ACACB: variants seen among roughly 807,000 people sequenced by gnomAD.
ACACB encodes acetyl-CoA carboxylase 2.
A neutral mutation model predicts 278.8 loss-of-function variants in ACACB; 209 were observed. The ratio of observed to expected loss-of-function variants is 0.75; its 90% CI spans 0.67 to 0.84. ACACB has a LOEUF of 0.84. ACACB is among the 40% of genes least tolerant of loss of function. The pLI is 0.00. For missense variants in ACACB, 2,850 were observed against 3,269.0 expected (o/e 0.87, Z 3.13); for synonymous variants, 1,174 against 1,285.6 (o/e 0.91, Z 1.86).
chr12:109,160,491 G>A (rs188003209), intron 2 of ACACB, among the ~76,000 whole-genome samples: 47 of 152,326 alleles, frequency 3.1e-4, no homozygotes, highest in African/African-American at 1.1e-3. Context: ...GCCTGGTCTT[G>A]TGCTCCGGCA....
intron 16 of ACACB, among the ~76,000 whole-genome samples, chr12:109,194,937 CG>C (rs2045061820): frequency 6.6e-6 from 1 of 152,122 alleles, no homozygotes; most frequent in Non-Finnish European, 1.5e-5. Context: ...CTCTGCACCA[CG>C]TGTAGATTAC....
chr12:109,196,531 G>A (rs1471918059), intron 16 of ACACB, among the ~76,000 whole-genome samples: 1 of 152,080 alleles, frequency 6.6e-6, no homozygotes. Context: ...CTTTTACAAG[G>A]GCCCCACCTT....
chr12:109,114,941 A>G (rs2042374520), upstream of ACACB, among the ~76,000 whole-genome samples: 1 of 152,186 alleles, frequency 6.6e-6, no homozygotes, highest in Non-Finnish European at 1.5e-5. Context: ...ATATATTTCT[A>G]TTACCGTTCT....
rs755699505 is a variant in ACACB at position 109,222,823 on chromosome 12, T to G, written c.3703T>G (p.Ser1235Ala). The change falls in exon 26 of 53, where the codon TCC (serine) becomes GCC (alanine). Residue 1235 changes from serine to alanine, a missense_variant. Physicochemically the swap from Ser to Ala is moderately conservative, Grantham distance 99. Transcript: ENST00000338432. ...RQILIASHLP[S>A]YELRHNQVES... ...GATCCTGATTGCCTCCCACCTCCCC[T>G]CCTACGAGCTGCGGCATAACCAGGT... 1.9e-6 allele frequency: 3 copies of G among 1,610,690 alleles called. No homozygotes were observed.
In ACACB at chr12:109,222,921, G is replaced by A. The variant is rs777530840; in HGVS notation, c.3792+9G>A. 4.7e-5 allele frequency: 75 copies of A among 1,587,678 alleles called. No individual in the cohort carries two copies. The highest frequency in any genetic ancestry group is 5.7e-5 in the Non-Finnish European group (66 of 1,162,904). On this transcript the variant is annotated intron_variant, in intron 26 of 52. Coordinates refer to ENST00000338432, the MANE Select transcript of ACACB (RefSeq NM_001093.4). The stretch of plus-strand genomic sequence containing the variant: ...GCCCCGAGAACCTCAAGGTGAGCCC[G>A]TCTCCTTCCTTTCACCATCTGCAGA...
In ACACB at chr12:109,142,235, C is replaced by G. The variant is rs528845138; in HGVS notation, c.653+2177C>G. Reference sequence around the variant, plus strand: ...CTGCACTCCAGCCTGGGCAACAGAGCAAGACTCTGTCTCAAAATAAAAAAA... The same window carrying G: ...CTGCACTCCAGCCTGGGCAACAGAGGAAGACTCTGTCTCAAAATAAAAAAA... On this transcript the variant is annotated intron_variant, in intron 2 of 52. Coordinates refer to ENST00000338432, the MANE Select transcript of ACACB (RefSeq NM_001093.4). Among the ~76,000 whole-genome samples the G allele has an allele frequency of 2.6e-5, 4 of 152,122 alleles. 1 individual carries two copies. Among genetic ancestry groups the G allele is most frequent in the African/African-American group, 9.6e-5 (4 of 41,496 alleles).
At chr12:109,173,782 AAG>A (rs781132748) in intron 6 of ACACB, among the ~76,000 whole-genome samples, 2 of 152,186 alleles carry the variant, frequency 1.3e-5, no homozygotes, top group South Asian at 4.1e-4. Flanking sequence ...TCTTTATAGA[AAG>A]AGTTTGCTAA....
chr12:109,246,085 G>C, intron 38 of ACACB, 94 bp from the exon 39 acceptor site: 3 of 1,382,856 alleles, frequency 2.2e-6, no homozygotes, highest in Middle Eastern at 2.3e-4. Context: ...GCAAGACCCT[G>C]TATCTAAAAA....
chr12:109,179,030 A>G, intron 9 of ACACB, 58 bp from the exon 10 acceptor site: 1 of 1,533,650 alleles, frequency 6.5e-7, no homozygotes, highest in Non-Finnish European at 8.9e-7. Context: ...GAGAACTTCC[A>G]GAAGCTTCCA....
chr12:109,237,616 A>G (rs1565957799), intron 34 of ACACB, among the ~76,000 whole-genome samples: 1 of 152,196 alleles, frequency 6.6e-6, no homozygotes, highest in Non-Finnish European at 1.5e-5. Flanking sequence ...GTCTCTGCGC[A>G]TGAGAAGAAA....
Position 109,256,072 on chromosome 12 carries a change from C to T in ACACB, c.6167-68C>T, listed in dbSNP as rs1053771221. The T allele has an allele frequency of 3.5e-5, 45 of 1,279,814 alleles. No individual in the cohort carries two copies. The African/African-American group carries it at 5.4e-4, about 15-fold the overall frequency. The allele number at this position is 1,279,814 out of a possible 1,614,324, so 79.3% of individuals were successfully genotyped here. On this transcript the variant is annotated intron_variant, in intron 44 of 52. Transcript: ENST00000338432. ...CTGTCCTTAGGGAGCTTTTGCACAG[C>T]CAGGAGTGTCCTGGGGGCCCCCAGC...
chr12:109,255,604 C>T (rs556344025), intron 44 of ACACB, among the ~76,000 whole-genome samples: 1 of 152,342 alleles, frequency 6.6e-6, no homozygotes, highest in East Asian at 1.9e-4. Context: ...GAGCCACAGC[C>T]ATTTACGCTG....
chr12:109,246,162 A>T lies in ACACB; in HGVS notation c.5302-17A>T. On this transcript the variant is annotated splice_polypyrimidine_tract_variant and intron_variant, in intron 38 of 52. Transcript: ENST00000338432. ...AGAAACAAACTCATTTTCCTTGTGC[A>T]TTCATCCCCTTGCCAGGTGGGCATG... 6.2e-7 allele frequency: 1 copy of T among 1,603,910 alleles called. No individual in the cohort carries two copies. The highest frequency in any genetic ancestry group is 8.5e-7 in the Non-Finnish European group (1 of 1,172,510).
At chr12:109,121,754 G>A (rs1186857406) in intron 1 of ACACB, among the ~76,000 whole-genome samples, 1 of 152,182 alleles carries the variant, frequency 6.6e-6, no homozygotes, top group African/African-American at 2.4e-5. Context: ...CTGGGTGCAG[G>A]CCTCCAGCAA....
Position 109,212,840 on chromosome 12 carries a change from C to T in ACACB, c.3254C>T (p.Ala1085Val), listed in dbSNP as rs1190675259. ...VLCQFPSQQI[A>V]TILDCHAATL... ...CTGTCTTGTTTTCCCATCCAGATAG[C>T]CACCATCCTGGACTGCCATGCAGCC... Residue 1085 changes from alanine to valine, a missense_variant, in exon 22 of 53, where the codon GCC (alanine) becomes GTC (valine). Coordinates refer to ENST00000338432, the MANE Select transcript of ACACB (RefSeq NM_001093.4). The T allele has an allele frequency of 8.1e-6, 13 of 1,613,604 alleles. No individual in the cohort carries two copies. The highest frequency in any genetic ancestry group is 1.1e-5 in the Non-Finnish European group (13 of 1,179,718).
intron 13 of ACACB, chr12:109,191,388 A>G (rs1385251806): frequency 7.3e-6 from 3 of 413,088 alleles, no homozygotes; most frequent in East Asian, 1.0e-4. Flanking sequence ...TAAGTTTTGT[A>G]TTTTTGGTAG....
At chr12:109,220,348 C>T (rs1282330698) in intron 24 of ACACB, among the ~76,000 whole-genome samples, 1 of 152,150 alleles carries the variant, frequency 6.6e-6, no homozygotes, top group Non-Finnish European at 1.5e-5. Flanking sequence ...TGAACAAAGA[C>T]TTGTGAATTG....
At position 109,238,381 on chromosome 12, in the gene ACACB, CAT is replaced by C. The variant is rs966924982; in HGVS notation, c.4662+1010_4662+1011del. Among the ~76,000 whole-genome samples, 6 of 134,136 alleles carry C rather than the reference CAT, an allele frequency of 4.5e-5. No homozygotes were observed. The South Asian group carries it at 9.2e-4, about 20-fold the overall frequency. The allele number at this position is 134,136 out of a possible 152,430, so 88.0% of individuals were successfully genotyped here. A position where few individuals can be genotyped will look rare whatever the true frequency, so the allele number is the denominator to read the frequency against. On this transcript the variant is annotated intron_variant, in intron 34 of 52. Coordinates refer to ENST00000338432, the MANE Select transcript of ACACB (RefSeq NM_001093.4). ...TTTACTAATCCCCTATTGATGGAAA[CAT>C]ATATATATTATTATATATATAATTA...
chr12:109,194,638 G>GTT (rs1555218283), intron 16 of ACACB, among the ~76,000 whole-genome samples: 1 of 151,006 alleles, frequency 6.6e-6, no homozygotes, highest in African/African-American at 2.4e-5. Flanking sequence ...GTGTGTGTGT[G>GTT]TGTGTGTGTG....
Sources: allele counts gnomAD v4.1 joint callset (sites outside exome capture counted in the v4.1 genomes callset), GRCh38; gene constraint gnomAD v4.1.1; transcripts MANE v1.5; gene names NCBI Gene and HGNC (gene_info 2026-07-23, HGNC 2026-07-21).